Variants in TEX36 observed in about 807,000 individuals in gnomAD.
TEX36 encodes testis expressed 36.
In TEX36, 12 loss-of-function variants were observed where a neutral mutation model predicts 13.6. The ratio of observed to expected loss-of-function variants is 0.88; its 90% CI spans 0.56 to 1.43. The LOEUF (loss-of-function observed/expected upper bound fraction) is 1.43, where lower values mean the gene tolerates loss of function less well. Among genes scored for constraint, TEX36 ranks in the 40% most tolerant of loss-of-function variants. The pLI is 0.00. For missense variants in TEX36, 224 were observed against 228.3 expected, an observed-to-expected ratio of 0.98 and a Z score of 0.12; for synonymous variants, 93 against 83.0, an observed-to-expected ratio of 1.12 and a Z score of -0.65.
intron 1 of TEX36, among the ~76,000 whole-genome samples, chr10:125,675,812 G>A (rs1416807622): frequency 1.3e-5 from 2 of 152,162 alleles, no homozygotes; most frequent in African/African-American, 4.8e-5. Flanking sequence ...TCCAACCACA[G>A]CTGTTTCTAG....
At chr10:125,584,996 A>G (rs772741235) in intron 3 of TEX36, among the ~76,000 whole-genome samples, 1 of 152,208 alleles carries the variant, frequency 6.6e-6, no homozygotes, top group Non-Finnish European at 1.5e-5. Context: ...ATGTCTCAAC[A>G]TGGGTCCCTT....
intron 3 of TEX36, among the ~76,000 whole-genome samples, chr10:125,640,788 T>A (rs1846678554): frequency 6.6e-6 from 1 of 152,090 alleles, no homozygotes; most frequent in South Asian, 2.1e-4. Context: ...AGTGCCATGC[T>A]AGGACCAAAG....
At chr10:125,615,764 C>T (rs1041444166) in intron 3 of TEX36, among the ~76,000 whole-genome samples, 1 of 151,904 alleles carries the variant, frequency 6.6e-6, no homozygotes, top group African/African-American at 2.4e-5. Flanking sequence ...TGTGTCTCTG[C>T]CTGGCTTTGG....
At chr10:125,580,206 A>G (rs963386971) in intron 3 of TEX36, among the ~76,000 whole-genome samples, 37 of 152,348 alleles carry the variant, frequency 2.4e-4, no homozygotes, top group African/African-American at 8.9e-4. Flanking sequence ...TCTTTAAACC[A>G]TGAAAGGATC....
At chr10:125,618,836 G>C (rs976076257), downstream of TEX36, among the ~76,000 whole-genome samples, 2 of 151,456 alleles carry the variant, frequency 1.3e-5, no homozygotes, top group Non-Finnish European at 2.9e-5. Context: ...GCCAGGCGCG[G>C]TGGCTCACGC....
chr10:125,682,920 G>A lies in TEX36; in HGVS notation c.51+19C>T. On this transcript the variant is annotated intron_variant, in intron 1 of 3. Coordinates refer to ENST00000368821, the MANE Select transcript of TEX36 (RefSeq NM_001128202.3). ...CCACGTGGCATGAGAAAGGCACCAG[G>A]GGCCACCATCTTCCTTACCCATCTC... 1 of 1,551,736 alleles carries A rather than the reference G, an allele frequency of 6.4e-7. No homozygotes were observed.
chr10:125,679,973 A>G (rs12414594), intron 1 of TEX36, among the ~76,000 whole-genome samples: 20,550 of 152,192 alleles, frequency 0.14, 1,833 homozygotes, highest in East Asian at 0.26. Flanking sequence ...TGCCTGTGAG[A>G]AGACTTACAC....
rs551094387 is a variant in TEX36, at chr10:125,612,530, T to C, written c.265-35656A>G. Among the ~76,000 whole-genome samples, 8 of 152,314 alleles carry C rather than the reference T, an allele frequency of 5.3e-5. No homozygotes were observed. The South Asian group carries it at 1.7e-3, about 32-fold the overall frequency. ...ACATATTTACATATGTATGTATATA[T>C]ACACACATTACTATGTATATAGCTT... On this transcript the variant is annotated intron_variant, in intron 3 of 3. Coordinates refer to the TEX36 transcript ENST00000532135.
chr10:125,588,950 C>A (rs933073246), intron 3 of TEX36, among the ~76,000 whole-genome samples: 13 of 152,140 alleles, frequency 8.5e-5, no homozygotes, highest in Admixed American at 3.3e-4. Context: ...AACAAGAGAT[C>A]CCTCATCACC....
At chr10:125,627,648 G>A (rs953916574) in intron 3 of TEX36, among the ~76,000 whole-genome samples, 1 of 152,164 alleles carries the variant, frequency 6.6e-6, no homozygotes, top group African/African-American at 2.4e-5. Context: ...ATAATGTATT[G>A]TCTTTTGTTC....
intron 3 of TEX36, among the ~76,000 whole-genome samples, chr10:125,577,619 A>G (rs553121422): frequency 6.6e-6 from 1 of 152,384 alleles, no homozygotes; most frequent in African/African-American, 2.4e-5. Context: ...AAACAACTGT[A>G]ATTAACACGA....
chr10:125,610,947 C>G (rs1029066420), intron 3 of TEX36, among the ~76,000 whole-genome samples: 3 of 152,142 alleles, frequency 2.0e-5, no homozygotes, highest in Non-Finnish European at 2.9e-5. Flanking sequence ...TAGTGTCACT[C>G]GAGTCATAGG....
Position 125,614,382 on chromosome 10 carries a change from G to C in TEX36, c.265-37508C>G, listed in dbSNP as rs551189716. On this transcript the variant is annotated intron_variant, in intron 3 of 3. Transcript: ENST00000532135. ...ATGCCTATGTCCTGAATGGTAATGC[G>C]TAGGTTTTCTTCTAGGGTTTTTATG... is the stretch of plus-strand genomic sequence containing the variant. Among the ~76,000 whole-genome samples, 1,442 of 151,620 alleles carry C rather than the reference G, an allele frequency of 9.5e-3. 9 individuals are homozygous for C. Among genetic ancestry groups the C allele is most frequent in the Middle Eastern group, 0.034 (10 of 294 alleles).
chr10:125,588,626 T>C (rs1398991788), intron 3 of TEX36, among the ~76,000 whole-genome samples: 2 of 128,368 alleles, frequency 1.6e-5, no homozygotes, highest in Non-Finnish European at 3.3e-5. Context: ...TGTTTGTTTG[T>C]TTGTTTGAGA....
intron 1 of TEX36, among the ~76,000 whole-genome samples, chr10:125,672,409 G>T (rs1847247087): frequency 6.6e-6 from 1 of 152,190 alleles, no homozygotes; most frequent in South Asian, 2.1e-4. Flanking sequence ...TTCAAGAGCA[G>T]ATTGTTCAAA....
intron 3 of TEX36, among the ~76,000 whole-genome samples, chr10:125,613,999 T>C (rs1189285643): frequency 1.3e-5 from 2 of 152,212 alleles, no homozygotes; most frequent in African/African-American, 4.8e-5. Flanking sequence ...GGTATCTCAT[T>C]GTGGTTTTGA....
Position 125,655,798 on chromosome 10 carries a change from C to T in TEX36, c.*102G>A. The T allele has an allele frequency of 1.5e-6, 2 of 1,352,026 alleles. No homozygotes were observed. Among genetic ancestry groups the T allele is most frequent in the Non-Finnish European group, 1.9e-6 (2 of 1,048,966 alleles). 83.8% of individuals were successfully genotyped at this position (1,352,026 alleles called of 1,614,324 possible). On this transcript the variant is annotated 3_prime_UTR_variant, in exon 4 of 4. Transcript: ENST00000368821. ...TGACCTTATAAAAATCATAAAAGTA[C>T]TTTAAAAATTAAATAGTGGTGCTGG...
chr10:125,628,679 T>C (rs1017190192), intron 3 of TEX36, among the ~76,000 whole-genome samples: 1 of 152,222 alleles, frequency 6.6e-6, no homozygotes, highest in African/African-American at 2.4e-5. Context: ...GTAAAGAAGA[T>C]GCAGTGTTCA....
At chr10:125,656,245 A>ATT in intron 3 of TEX36, 49 bp from the exon 4 acceptor site, 1 of 487,362 alleles carries the variant, frequency 2.1e-6, no homozygotes, top group South Asian at 3.3e-5. Flanking sequence ...AAGTTCACAT[A>ATT]GTTCTTTTTT....
Sources: allele counts gnomAD v4.1 joint callset (sites outside exome capture counted in the v4.1 genomes callset), GRCh38; gene constraint gnomAD v4.1.1; transcripts MANE v1.5; gene names NCBI Gene and HGNC (gene_info 2026-07-23, HGNC 2026-07-21).